The following CRYL1 variants were observed in gnomAD, a reference collection of about 807,000 sequenced individuals.
CRYL1 encodes lambda-crystallin homolog.
CRYL1 carries 29 observed loss-of-function variants against 36.6 expected under a neutral mutation model. The ratio of observed to expected loss-of-function variants is 0.79; its 90% CI spans 0.59 to 1.08. CRYL1 has a LOEUF of 1.08. Ranked by LOEUF, CRYL1 falls within the 50% of genes least tolerant of loss-of-function variation. The pLI is 0.00. For missense variants in CRYL1, 411 were observed against 407.9 expected (o/e 1.01, Z -0.06); for synonymous variants, 152 against 151.5 (o/e 1.00, Z -0.02).
chr13:20,489,148 A>G (rs1214041568), intron 3 of CRYL1, among the ~76,000 whole-genome samples: 1 of 152,242 alleles, frequency 6.6e-6, no homozygotes, highest in African/African-American at 2.4e-5. Context: ...CGGATAAGGC[A>G]TTGGTCTCTT....
At chr13:20,524,382 A>C (rs2034151607) in intron 1 of CRYL1, among the ~76,000 whole-genome samples, 1 of 151,412 alleles carries the variant, frequency 6.6e-6, no homozygotes, top group Non-Finnish European at 1.5e-5. Context: ...TACAAAGTGC[A>C]CTTTTTTTTT....
intron 5 of CRYL1, among the ~76,000 whole-genome samples, chr13:20,417,103 T>C (rs2031687897): frequency 6.6e-6 from 1 of 152,186 alleles, no homozygotes; most frequent in Non-Finnish European, 1.5e-5. Flanking sequence ...GGCATTCAGT[T>C]GAGAAGCTCC....
chr13:20,420,477 C>T (rs569628738), intron 5 of CRYL1, among the ~76,000 whole-genome samples: 107 of 151,352 alleles, frequency 7.1e-4, no homozygotes, highest in Middle Eastern at 3.4e-3. Flanking sequence ...CTCACTGAGG[C>T]CTGACCTTAA....
intron 2 of CRYL1, among the ~76,000 whole-genome samples, chr13:20,508,673 C>T (rs1028767344): frequency 2.6e-5 from 4 of 151,364 alleles, no homozygotes; most frequent in South Asian, 2.1e-4. Context: ...AGTGAAACCC[C>T]GTCTCTGCTA....
intron 3 of CRYL1, among the ~76,000 whole-genome samples, chr13:20,487,737 C>A (rs528405404): frequency 3.9e-5 from 6 of 152,134 alleles, no homozygotes; most frequent in African/African-American, 1.2e-4. Context: ...CAAGATCACA[C>A]TACTGAACTC....
At chr13:20,428,116 A>T (rs2031974113) in intron 5 of CRYL1, among the ~76,000 whole-genome samples, 1 of 152,206 alleles carries the variant, frequency 6.6e-6, no homozygotes, top group Non-Finnish European at 1.5e-5. Context: ...CAAAAAGTAC[A>T]CACAATCTCT....
intron 2 of CRYL1, among the ~76,000 whole-genome samples, chr13:20,490,786 G>C (rs116768628): frequency 0.02 from 3,050 of 152,286 alleles, 114 homozygotes; most frequent in African/African-American, 0.07. Context: ...GGTCTGTGCG[G>C]TCACCCGGGC....
At chr13:20,479,063 G>A (rs1460680726) in intron 3 of CRYL1, among the ~76,000 whole-genome samples, 1 of 152,058 alleles carries the variant, frequency 6.6e-6, no homozygotes, top group Non-Finnish European at 1.5e-5. Flanking sequence ...AAGGATTACA[G>A]GTGTGAGCCA....
chr13:20,420,700 G>GGTTTTTTTTTTTTTTTTTTTT (rs2031779673), intron 5 of CRYL1, among the ~76,000 whole-genome samples: 1 of 36,430 alleles, frequency 2.7e-5, no homozygotes, highest in East Asian at 1.4e-3. Flanking sequence ...TAAAATAGAG[G>GGTTTTTTTTTTTTTTTTTTTT]TTGTGTGTGT....
rs34813385 is a variant in CRYL1 at position 20,422,360 on chromosome 13, CA to C, written c.634-8974del. 3.5e-3 allele frequency among the ~76,000 whole-genome samples: 455 copies of C among 129,878 alleles called. 2 individuals carry two copies. Among genetic ancestry groups the C allele is most frequent in the African/African-American group, 0.012 (379 of 32,622 alleles). 85.2% of individuals were successfully genotyped at this position (129,878 alleles called of 152,430 possible). On this transcript the variant is annotated intron_variant, in intron 5 of 7. Transcript: ENST00000298248. Reference sequence around the variant, plus strand: ...GGGCCACAGAGTGAAATTCCATTTCCAAAAAAAAAAAAAAAAGTCCTAATTA... The same window carrying C: ...GGGCCACAGAGTGAAATTCCATTTCCAAAAAAAAAAAAAAAGTCCTAATTA...
intron 2 of CRYL1, among the ~76,000 whole-genome samples, chr13:20,507,338 T>C (rs1266391776): frequency 1.3e-5 from 2 of 152,228 alleles, no homozygotes; most frequent in Non-Finnish European, 2.9e-5. Context: ...TATTTGATTA[T>C]TGATTGTCTA....
chr13:20,470,363 G>T (rs1319744852), intron 3 of CRYL1, among the ~76,000 whole-genome samples: 1 of 152,196 alleles, frequency 6.6e-6, no homozygotes, highest in Non-Finnish European at 1.5e-5. Context: ...ACCACACCAA[G>T]CTCTCCGGGC....
intron 3 of CRYL1, among the ~76,000 whole-genome samples, chr13:20,442,818 A>G (rs183284318): frequency 1.3e-5 from 2 of 152,318 alleles, no homozygotes; most frequent in African/African-American, 4.8e-5. Flanking sequence ...GGGAGACACA[A>G]CTCATGACAA....
intron 3 of CRYL1, among the ~76,000 whole-genome samples, chr13:20,469,295 C>T (rs2033006515): frequency 6.6e-6 from 1 of 151,706 alleles, no homozygotes; most frequent in Admixed American, 6.5e-5. Context: ...CTAGGCTCAA[C>T]AGTCCTTTAT....
intron 4 of CRYL1, among the ~76,000 whole-genome samples, chr13:20,436,861 C>T (rs529397358): frequency 6.6e-6 from 1 of 152,140 alleles, no homozygotes; most frequent in East Asian, 1.9e-4. Context: ...AACAAAGGGC[C>T]CCAAGCAGGG....
intron 2 of CRYL1, among the ~76,000 whole-genome samples, chr13:20,494,267 T>C (rs1227846774): frequency 1.3e-5 from 2 of 152,244 alleles, no homozygotes; most frequent in African/African-American, 2.4e-5. Flanking sequence ...TACGGAGGAA[T>C]AAGTGAGATG....
intron 3 of CRYL1, among the ~76,000 whole-genome samples, chr13:20,483,869 T>C (rs948965919): frequency 6.6e-6 from 1 of 151,424 alleles, no homozygotes; most frequent in Admixed American, 6.6e-5. Flanking sequence ...CAGGCTGGAG[T>C]GCAGTGGCGC....
At chr13:20,471,459 GC>G (rs1408088454) in intron 3 of CRYL1, among the ~76,000 whole-genome samples, 2 of 152,036 alleles carry the variant, frequency 1.3e-5, no homozygotes, top group Non-Finnish European at 1.5e-5. Flanking sequence ...CGAAAAATTA[GC>G]CGGGTGTGGT....
Position 20,435,680 on chromosome 13 carries a change from C to A in CRYL1, c.439-3384G>T, listed in dbSNP as rs570817345. On this transcript the variant is annotated intron_variant, in intron 4 of 7. Coordinates refer to ENST00000298248, the MANE Select transcript of CRYL1 (RefSeq NM_015974.3). The surrounding 1 kb of genome is among the most constrained non-coding windows in gnomAD (Gnocchi z 4.0). ...CGCCCCCGAAAGGGTTCGACAGATA[C>A]AACGGCAGCGCAGCGCAGGGGCCTG... Among the ~76,000 whole-genome samples, 1 of 152,256 alleles carries A rather than the reference C, an allele frequency of 6.6e-6. No individual in the cohort carries two copies. Among genetic ancestry groups the A allele is most frequent in the South Asian group, 2.1e-4 (1 of 4,822 alleles).
Sources: allele counts gnomAD v4.1 joint callset (sites outside exome capture counted in the v4.1 genomes callset), GRCh38; gene constraint gnomAD v4.1.1; non-coding constraint Gnocchi (gnomAD v3.1); transcripts MANE v1.5; gene names NCBI Gene and HGNC (gene_info 2026-07-23, HGNC 2026-07-21).